The following CABLES1 variants were observed in gnomAD, a reference collection of about 807,000 sequenced individuals.
The protein encoded by CABLES1 is Cdk5 and Abl enzyme substrate 1.
CABLES1 carries 36 observed loss-of-function variants against 57.8 expected under a neutral mutation model. The observed-to-expected ratio is 0.62, with a 90% CI of 0.48 to 0.82. The LOEUF (loss-of-function observed/expected upper bound fraction) is 0.82, where lower values mean the gene tolerates loss of function less well. CABLES1 is among the 40% of genes least tolerant of loss of function. The probability of loss-of-function intolerance (pLI) is 0.00; values close to 1 mark genes in which losing one functional copy is unlikely to be tolerated. For synonymous variants in CABLES1, 374 were observed against 363.0 expected, an observed-to-expected ratio of 1.03 and a Z score of -0.35; for missense variants, 767 against 836.6, an observed-to-expected ratio of 0.92 and a Z score of 1.03.
chr18:23,227,407 C>A (rs1313958640), intron 4 of CABLES1, among the ~76,000 whole-genome samples: 2 of 152,192 alleles, frequency 1.3e-5, no homozygotes, highest in Non-Finnish European at 2.9e-5. Context: ...ATAGGAGCTG[C>A]CTTTAGACAA....
rs1179102579 is a variant in CABLES1 at position 23,234,723 on chromosome 18, C to T, written c.1185+19C>T. The T allele has an allele frequency of 1.3e-6, 2 of 1,598,770 alleles. No homozygotes were observed. Among genetic ancestry groups the T allele is most frequent in the East Asian group, 2.2e-5 (1 of 44,826 alleles). On this transcript the variant is annotated intron_variant, in intron 5 of 9. Transcript: ENST00000256925. ...TGGGAAGGTAAGGCTGCCAGGCTGC[C>T]AGTCACCAAGTTGTGCTGAAGGCAC...
In CABLES1 at chr18:23,215,032, T is replaced by C. The variant is rs575958558; in HGVS notation, c.1088+978T>C. On this transcript the variant is annotated intron_variant, in intron 4 of 9. Transcript: ENST00000256925. ...CTCCATGGGACAGAAAACACATCTATATTCATGGAATCCTGACTCAGTCAT... is the reference window on the plus strand; with the variant it reads ...CTCCATGGGACAGAAAACACATCTACATTCATGGAATCCTGACTCAGTCAT... Among the ~76,000 whole-genome samples, 3 of 152,364 alleles carry C rather than the reference T, an allele frequency of 2.0e-5. No individual in the cohort carries two copies. In the East Asian group the frequency reaches 5.8e-4, roughly 29 times the overall value.
intron 1 of CABLES1, among the ~76,000 whole-genome samples, chr18:23,171,509 T>G (rs1040738811): frequency 2.0e-5 from 3 of 152,232 alleles, no homozygotes; most frequent in African/African-American, 7.2e-5. Context: ...TAGCCATGCC[T>G]CATGTCTTGG....
chr18:23,223,337 T>C (rs2047503320), intron 4 of CABLES1, among the ~76,000 whole-genome samples: 1 of 152,074 alleles, frequency 6.6e-6, no homozygotes, highest in African/African-American at 2.4e-5. Context: ...CCCAGCACTT[T>C]GGGAGGCCGA....
At chr18:23,250,608 G>A (rs987992296) in intron 7 of CABLES1, among the ~76,000 whole-genome samples, 3 of 152,198 alleles carry the variant, frequency 2.0e-5, no homozygotes, top group Non-Finnish European at 4.4e-5. Context: ...CACTCTGCTG[G>A]ACCTTGGCAG....
At chr18:23,236,620 G>A (rs1412785427) in intron 6 of CABLES1, among the ~76,000 whole-genome samples, 1 of 152,170 alleles carries the variant, frequency 6.6e-6, no homozygotes, top group Non-Finnish European at 1.5e-5. Context: ...AGTTCCCTAG[G>A]TCTGCCCAAG....
chr18:23,226,137 C>T (rs1288152412), intron 4 of CABLES1, among the ~76,000 whole-genome samples: 1 of 152,246 alleles, frequency 6.6e-6, no homozygotes, highest in Non-Finnish European at 1.5e-5. Flanking sequence ...GGCACAGTGG[C>T]TCATGCCTGT....
At chr18:23,231,907 G>A (rs2145078380) in intron 4 of CABLES1, among the ~76,000 whole-genome samples, 1 of 152,250 alleles carries the variant, frequency 6.6e-6, no homozygotes, top group African/African-American at 2.4e-5. Flanking sequence ...AGCTGGCCAG[G>A]ACAAGGCTGC....
At chr18:23,242,559 T>A (rs2047762892) in intron 7 of CABLES1, among the ~76,000 whole-genome samples, 1 of 152,132 alleles carries the variant, frequency 6.6e-6, no homozygotes, top group Admixed American at 6.5e-5. Flanking sequence ...TCCCCCTCTT[T>A]ATGGGTGTGG....
chr18:23,159,779 C>G (rs1359235460), intron 1 of CABLES1, among the ~76,000 whole-genome samples: 1 of 152,086 alleles, frequency 6.6e-6, no homozygotes, highest in African/African-American at 2.4e-5. Flanking sequence ...GTTGCAGAAG[C>G]TCTTTATATC....
intron 9 of CABLES1, among the ~76,000 whole-genome samples, chr18:23,256,736 C>T (rs930392935): frequency 3.3e-5 from 5 of 152,204 alleles, no homozygotes; most frequent in African/African-American, 9.7e-5. Context: ...CCACCCACCT[C>T]GGCCTCCCAA....
chr18:23,184,308 C>CGTGTGTGTGTGTGTGT (rs61158856), intron 1 of CABLES1, among the ~76,000 whole-genome samples: 29 of 146,426 alleles, frequency 2.0e-4, no homozygotes, highest in African/African-American at 6.8e-4. Flanking sequence ...CATACTGGCA[C>CGTGTGTGTGTGTGTGT]GTGTGTGTGT....
At chr18:23,255,201 G>C (rs2048131993) in intron 9 of CABLES1, among the ~76,000 whole-genome samples, 1 of 152,140 alleles carries the variant, frequency 6.6e-6, no homozygotes, top group African/African-American at 2.4e-5. Context: ...AGAGCAAAAG[G>C]GGTCACTGTG....
intron 9 of CABLES1, among the ~76,000 whole-genome samples, chr18:23,255,469 A>G (rs1691516004): frequency 6.6e-6 from 1 of 152,164 alleles, no homozygotes. Context: ...TAGCTTATAC[A>G]GTAAATACAT....
intron 3 of CABLES1, among the ~76,000 whole-genome samples, chr18:23,200,787 C>T (rs4319864): frequency 6.6e-6 from 1 of 152,188 alleles, no homozygotes; most frequent in African/African-American, 2.4e-5. Context: ...CAGTTTATTC[C>T]TCACTATCGC....
At chr18:23,205,610 A>C (rs936651903) in intron 3 of CABLES1, among the ~76,000 whole-genome samples, 2 of 152,134 alleles carry the variant, frequency 1.3e-5, no homozygotes, top group African/African-American at 4.8e-5. Context: ...TTATTTGGAA[A>C]CAGAGTTGTG....
chr18:23,152,827 G>A (rs2046939868), intron 1 of CABLES1, among the ~76,000 whole-genome samples: 1 of 151,624 alleles, frequency 6.6e-6, no homozygotes, highest in Admixed American at 6.6e-5. Flanking sequence ...TTGAGACAGA[G>A]TTTCGCTCTT....
intron 1 of CABLES1, among the ~76,000 whole-genome samples, chr18:23,155,206 T>C (rs1334422145): frequency 2.0e-5 from 3 of 152,162 alleles, no homozygotes; most frequent in African/African-American, 4.8e-5. Context: ...GGCTGAAATA[T>C]AAGGAAATGA....
intron 1 of CABLES1, among the ~76,000 whole-genome samples, chr18:23,150,203 G>GTTTT (rs140194017): frequency 7.8e-5 from 5 of 64,252 alleles, no homozygotes; most frequent in Non-Finnish European, 1.1e-4. Context: ...AGTAGTTGGT[G>GTTTT]TTTGTTTTTT....
Sources: gnomAD v4.1 joint callset for allele counts (sites outside exome capture counted in the v4.1 genomes callset) on GRCh38, gnomAD v4.1.1 for gene constraint, MANE v1.5 for transcripts, NCBI Gene and HGNC (gene_info 2026-07-23, HGNC 2026-07-21) for gene names.